The following THADA variants were observed in gnomAD, a reference collection of about 807,000 sequenced individuals.
The protein encoded by THADA is THADA armadillo repeat containing, also known as tRNA (32-2'-O)-methyltransferase regulator THADA.
A neutral mutation model predicts 219.8 loss-of-function variants in THADA; 213 were observed. That is an observed-to-expected ratio of 0.97 (90% CI 0.87 to 1.09). The LOEUF (loss-of-function observed/expected upper bound fraction) is 1.09. Among genes scored for constraint, THADA ranks in the 50% least tolerant of loss-of-function variants. The probability of loss-of-function intolerance (pLI) is 0.00; values close to 1 mark genes in which losing one functional copy is unlikely to be tolerated. For synonymous variants in THADA, 1,018 were observed against 828.9 expected (o/e 1.23, Z -3.92); for missense variants, 2,956 against 2,311.3 (o/e 1.28, Z -5.72).
chr2:43,556,536 C>T lies in THADA; in HGVS notation c.2483G>A (p.Gly828Asp), dbSNP rs868641394. The T allele has an allele frequency of 8.1e-6, 13 of 1,613,558 alleles. No homozygotes were observed. The highest frequency in any genetic ancestry group is 1.3e-5 in the African/African-American group (1 of 74,972). ...GAGCTCCAATGCTGCCTGAAATAAG[C>T]CTTGCAGTTTCCCCGAATCCTAGAA... ...VHFQDSGKLQ[G>D]LFQAALELST... Residue 828 changes from glycine (G) to aspartate (D), a missense_variant, in exon 17 of 38, where the codon GGC becomes GAC. Gly to Asp is a moderately conservative substitution (Grantham distance 94). Transcript: ENST00000405975.
At chr2:43,388,809 T>C (rs1475018367) in intron 29 of THADA, among the ~76,000 whole-genome samples, 1 of 152,190 alleles carries the variant, frequency 6.6e-6, no homozygotes, top group Non-Finnish European at 1.5e-5. Context: ...CACACATCAA[T>C]AGGAATCCTC....
intron 22 of THADA, among the ~76,000 whole-genome samples, chr2:43,523,242 G>A (rs536278372): frequency 1.7e-4 from 26 of 151,944 alleles, no homozygotes; most frequent in Non-Finnish European, 2.9e-4. Flanking sequence ...GCAGACACCC[G>A]TAAGTCCTAG....
At chr2:43,580,062 G>T (rs2104082182) in intron 8 of THADA, among the ~76,000 whole-genome samples, 2 of 122,558 alleles carry the variant, frequency 1.6e-5, no homozygotes, top group Admixed American at 9.7e-5. Context: ...GGCTTGCTCT[G>T]TTGCCAGGCT....
In THADA at chr2:43,586,712, C is replaced by T. The variant is rs1574383357; in HGVS notation, c.474G>A (p.Leu158=). Residue 158 remains leucine, a synonymous_variant, in exon 6 of 38, where the codon CTG becomes CTA. Coordinates refer to ENST00000405975, the MANE Select transcript of THADA (RefSeq NM_022065.5). The part of the protein sequence containing the change: ...FNLGRASVNN[L]LKNVLHFLQK... ...AATAATAGGACTTACCATTTTTAAG[C>T]AGATTATTAACACTTGCTCTACCTG... 1.2e-6 allele frequency: 2 copies of T among 1,611,632 alleles called. No individual in the cohort carries two copies. The highest frequency in any genetic ancestry group is 1.3e-5 in the African/African-American group (1 of 74,898).
intron 29 of THADA, among the ~76,000 whole-genome samples, chr2:43,375,169 C>T (rs571324972): frequency 9.2e-5 from 14 of 152,172 alleles, no homozygotes; most frequent in Non-Finnish European, 1.8e-4. Flanking sequence ...AGCATCGTTG[C>T]CAATTATGCG....
At chr2:43,485,014 T>C (rs1460682687) in intron 26 of THADA, among the ~76,000 whole-genome samples, 1 of 152,002 alleles carries the variant, frequency 6.6e-6, no homozygotes, top group African/African-American at 2.4e-5. Context: ...CTTGCTACCT[T>C]GCTAAATTTT....
At chr2:43,364,173 G>A (rs913347771) in intron 29 of THADA, among the ~76,000 whole-genome samples, 1 of 152,102 alleles carries the variant, frequency 6.6e-6, no homozygotes, top group Non-Finnish European at 1.5e-5. Context: ...GCAGTGAGCC[G>A]AGATCTGCTG....
chr2:43,557,493 T>C (rs984951376), intron 16 of THADA, among the ~76,000 whole-genome samples: 5 of 152,188 alleles, frequency 3.3e-5, no homozygotes, highest in Non-Finnish European at 5.9e-5. Context: ...GGTGAAACTT[T>C]GTGTGTGTGG....
intron 36 of THADA, among the ~76,000 whole-genome samples, chr2:43,273,282 A>AG (rs934703741): frequency 2.0e-5 from 3 of 152,106 alleles, no homozygotes; most frequent in African/African-American, 7.2e-5. Context: ...AAAAAAAAAA[A>AG]AAGAAGAAAA....
At chr2:43,432,022 A>G (rs1302677853) in intron 26 of THADA, among the ~76,000 whole-genome samples, 3 of 129,220 alleles carry the variant, frequency 2.3e-5, no homozygotes, top group African/African-American at 1.1e-4. Context: ...ACGCCCGGCT[A>G]ATTTTTTGTA....
intron 36 of THADA, among the ~76,000 whole-genome samples, chr2:43,251,006 G>T (rs552424967): frequency 6.6e-6 from 1 of 152,264 alleles, no homozygotes; most frequent in South Asian, 2.1e-4. Context: ...AAGGGGTCAG[G>T]CCTCCTTCCC....
intron 20 of THADA, among the ~76,000 whole-genome samples, chr2:43,545,926 T>C (rs1307762504): frequency 6.6e-6 from 1 of 152,058 alleles, no homozygotes; most frequent in Non-Finnish European, 1.5e-5. Context: ...CTTTTGAATG[T>C]GTTTGCTCTT....
chr2:43,595,629 C>T (rs551803943), intron 1 of THADA: 5 of 152,532 alleles, frequency 3.3e-5, no homozygotes, highest in African/African-American at 1.2e-4. Context: ...AATTACACTC[C>T]TCCTAGGTCC....
At chr2:43,493,736 A>C (rs968917814) in intron 25 of THADA, among the ~76,000 whole-genome samples, 5 of 152,198 alleles carry the variant, frequency 3.3e-5, no homozygotes, top group Non-Finnish European at 7.3e-5. Context: ...CTGTTAACTT[A>C]GATTGTTAAC....
At position 43,372,850 on chromosome 2, in the gene THADA, C is replaced by T. The variant is rs1004439410; in HGVS notation, c.4227+25121G>A. On this transcript the variant is annotated intron_variant, in intron 29 of 37. Coordinates refer to ENST00000405975, the MANE Select transcript of THADA (RefSeq NM_022065.5). ...CGCAGTAGCTGGGGTTACAGGTGTG[C>T]GCCACCACACCTTCGCTAATTTTTT... is the stretch of plus-strand genomic sequence containing the variant. Among the ~76,000 whole-genome samples, 10 of 152,062 alleles carry T rather than the reference C, an allele frequency of 6.6e-5. No individual in the cohort carries two copies. The East Asian group carries it at 1.5e-3, about 23-fold the overall frequency.
At chr2:43,318,208 T>A (rs1325150417) in intron 31 of THADA, among the ~76,000 whole-genome samples, 2 of 151,690 alleles carry the variant, frequency 1.3e-5, no homozygotes, top group African/African-American at 4.8e-5. Flanking sequence ...TGTGGCTAAT[T>A]AAATTTTTTT....
intron 37 of THADA, among the ~76,000 whole-genome samples, chr2:43,231,650 A>C (rs1667433322): frequency 6.6e-6 from 1 of 152,126 alleles, no homozygotes; most frequent in African/African-American, 2.4e-5. Context: ...TGAAAAGGGG[A>C]CTTCAACAAG....
chr2:43,385,591 A>G (rs1469106261), intron 29 of THADA, among the ~76,000 whole-genome samples: 3 of 140,176 alleles, frequency 2.1e-5, no homozygotes, highest in African/African-American at 2.7e-5. Flanking sequence ...TGGGCAACAG[A>G]GCGAGACTCC....
intron 26 of THADA, among the ~76,000 whole-genome samples, chr2:43,478,030 A>G (rs1394688346): frequency 6.6e-6 from 1 of 152,068 alleles, no homozygotes; most frequent in Non-Finnish European, 1.5e-5. Context: ...ATCCCCTGAC[A>G]GTCAGTGCCA....
Sources: gnomAD v4.1 joint callset for allele counts (sites outside exome capture counted in the v4.1 genomes callset) on GRCh38, gnomAD v4.1.1 for gene constraint, MANE v1.5 for transcripts, NCBI Gene and HGNC (gene_info 2026-07-23, HGNC 2026-07-21) for gene names.